PCDHGB6: variants seen among roughly 807,000 people sequenced by gnomAD.
PCDHGB6 encodes the protein protocadherin gamma subfamily B, 6, also known as protocadherin gamma-B6.
PCDHGB6 carries 51 observed loss-of-function variants against 59.1 expected under a neutral mutation model. The observed-to-expected ratio is 0.86, with a 90% CI of 0.69 to 1.09. PCDHGB6 has a LOEUF of 1.09. Ranked by LOEUF, PCDHGB6 falls within the 50% of genes least tolerant of loss-of-function variation. PCDHGB6 has a pLI of 0.00. For synonymous variants in PCDHGB6, 466 were observed against 495.1 expected, an observed-to-expected ratio of 0.94 and a Z score of 0.78; for missense variants, 1,148 against 1,205.1, an observed-to-expected ratio of 0.95 and a Z score of 0.70.
Position 141,431,359 on chromosome 5 carries a change from G to A in PCDHGB6, c.2418+20739G>A. 1 of 1,614,024 alleles carries A rather than the reference G, an allele frequency of 6.2e-7. No homozygotes were observed. The highest frequency in any genetic ancestry group is 8.5e-7 in the Non-Finnish European group (1 of 1,180,030). On this transcript the variant is annotated intron_variant, in intron 1 of 3. Transcript: ENST00000520790. This position sits in a 1 kb window ranked among gnomAD's most constrained non-coding sequence, Gnocchi z 4.8. ...CCGAATTGGTGCTGAAACGCGCCCTGGACCGCGAAGAAAAGGCTGCTCACC... is the reference window on the plus strand; with the variant it reads ...CCGAATTGGTGCTGAAACGCGCCCTAGACCGCGAAGAAAAGGCTGCTCACC...
rs1288507078 is a variant in PCDHGB6 at position 141,476,171 on chromosome 5, G to A, written c.2419-18636G>A. On this transcript the variant is annotated intron_variant, in intron 1 of 3. Transcript: ENST00000520790. This position sits in a 1 kb window ranked among gnomAD's most constrained non-coding sequence, Gnocchi z 7.6. ...GGTAAGCACCGGGAGGGTAGTGGGA[G>A]TTTTGCTTCTGCTTGGTGCCTTGAA... The A allele has an allele frequency of 1.2e-6, 2 of 1,613,442 alleles. No individual in the cohort carries two copies. The highest frequency in any genetic ancestry group is 1.7e-6 in the Non-Finnish European group (2 of 1,179,978).
intron 1 of PCDHGB6, among the ~76,000 whole-genome samples, chr5:141,453,574 G>T (rs1285296493): frequency 6.6e-6 from 1 of 152,084 alleles, no homozygotes; most frequent in Non-Finnish European, 1.5e-5. Context: ...TCATTAGTTT[G>T]TGGTTTATCC....
chr5:141,494,751 G>C (rs2099756509), intron 1 of PCDHGB6, 56 bp from the exon 2 acceptor site: 2 of 1,613,426 alleles, frequency 1.2e-6, no homozygotes, highest in African/African-American at 1.3e-5. Flanking sequence ...AGGGGCTCGG[G>C]TGACATTCTA....
intron 1 of PCDHGB6, among the ~76,000 whole-genome samples, chr5:141,449,753 C>T (rs1260240861): frequency 6.6e-6 from 1 of 151,246 alleles, no homozygotes; most frequent in East Asian, 1.9e-4. Context: ...ATTTTTATGA[C>T]ATTTGAGAGT....
intron 1 of PCDHGB6, among the ~76,000 whole-genome samples, chr5:141,474,089 CAAACAACAACAA>C (rs985204397): frequency 3.3e-5 from 5 of 152,116 alleles, no homozygotes; most frequent in Admixed American, 2.0e-4. Flanking sequence ...AACCAAAAAA[CAAACAACAACAA>C]AAACAACAAC....
chr5:141,414,378 C>T lies in PCDHGB6; in HGVS notation c.2418+3758C>T, dbSNP rs958748519. ...ATCTACCATTTAAATTAGAAAAGTC[C>T]ATTGACAGTTATTACAGATTGGTGA... On this transcript the variant is annotated intron_variant, in intron 1 of 3. Coordinates refer to ENST00000520790, the MANE Select transcript of PCDHGB6 (RefSeq NM_018926.3). 3.1e-6 allele frequency: 5 copies of T among 1,613,736 alleles called. No individual in the cohort carries two copies. In the African/African-American group the frequency reaches 5.3e-5, roughly 17 times the overall value.
rs1456176347 is a variant in PCDHGB6 at position 141,510,961 on chromosome 5, A to G, written c.2581A>G (p.Ser861Gly). 2 of 1,613,986 alleles carry G rather than the reference A, an allele frequency of 1.2e-6. No individual in the cohort carries two copies. Among genetic ancestry groups the G allele is most frequent in the Non-Finnish European group, 1.7e-6 (2 of 1,179,962 alleles). ...TGTCTCTGCAGAAGCTGCTGATGGG[A>G]GCTCCACCCTGGGAGGGGGTGCCGG... is the stretch of plus-strand genomic sequence containing the variant. Reference protein sequence around the residue: ...LASASEAADGSSTLGGGAGTM... With the variant: ...LASASEAADGGSTLGGGAGTM... Residue 861 changes from serine (S) to glycine (G), a missense_variant, in exon 4 of 4, where the codon AGC (serine) becomes GGC (glycine). Physicochemically the swap from Ser to Gly is moderately conservative, Grantham distance 56. Around this residue, in one of 5 missense-constraint regions of PCDHGB6, gnomAD observed 283 missense variants for 318.6 expected, o/e 0.89. Coordinates refer to ENST00000520790, the MANE Select transcript of PCDHGB6 (RefSeq NM_018926.3).
intron 1 of PCDHGB6, chr5:141,414,562 A>G (rs770740530): frequency 3.1e-6 from 5 of 1,613,924 alleles, no homozygotes; most frequent in Non-Finnish European, 4.2e-6. Context: ...CTCCTACTTT[A>G]CCTATATCCC....
intron 1 of PCDHGB6, among the ~76,000 whole-genome samples, chr5:141,448,952 C>A (rs1278778374): frequency 2.6e-5 from 4 of 151,698 alleles, no homozygotes; most frequent in Non-Finnish European, 5.9e-5. Flanking sequence ...CTCAAAAAAA[C>A]AAACAAACAA....
intron 1 of PCDHGB6, among the ~76,000 whole-genome samples, chr5:141,456,124 C>G (rs2098844023): frequency 6.6e-6 from 1 of 152,072 alleles, no homozygotes. Context: ...GTCTCCATCT[C>G]CTGACCTCCT....
In PCDHGB6 at chr5:141,413,371, CGCGGAGT is replaced by C. The variant is rs765391000; in HGVS notation, c.2418+2752_2418+2758del. The C allele has an allele frequency of 3.7e-6, 6 of 1,613,848 alleles. No homozygotes were observed. In the African/African-American group the frequency reaches 8.0e-5, roughly 22 times the overall value. On this transcript the variant is annotated intron_variant, in intron 1 of 3. Coordinates refer to ENST00000520790, the MANE Select transcript of PCDHGB6 (RefSeq NM_018926.3). ...TCTGGCGCCCCGGGAGCTGGCGGAG[CGCGGAGT>C]CCGCATAGTCTCCAGAGGTAGGACG...
At position 141,509,907 on chromosome 5, in the gene PCDHGB6, C is replaced by G. The variant is rs149338646; in HGVS notation, c.2567-1040C>G. Among the ~76,000 whole-genome samples, 567 of 152,300 alleles carry G rather than the reference C, an allele frequency of 3.7e-3. 5 individuals carry two copies. Among genetic ancestry groups the G allele is most frequent in the Admixed American group, 0.011 (163 of 15,296 alleles). ...GTGACTGACTGTCCCTTCCAGCATGCGCTTAGGTACACTTGGGCCTGAATG... is the reference window on the plus strand; with the variant it reads ...GTGACTGACTGTCCCTTCCAGCATGGGCTTAGGTACACTTGGGCCTGAATG... On this transcript the variant is annotated intron_variant, in intron 3 of 3. Coordinates refer to ENST00000520790, the MANE Select transcript of PCDHGB6 (RefSeq NM_018926.3).
chr5:141,485,982 A>G lies in PCDHGB6; in HGVS notation c.2419-8825A>G. 6.2e-7 allele frequency: 1 copy of G among 1,614,156 alleles called. No homozygotes were observed. The highest frequency in any genetic ancestry group is 8.5e-7 in the Non-Finnish European group (1 of 1,180,020). ...ATCCAGCTCAATGCCTCAGACCCGG[A>G]CCTGGGTCCCAGTGGTAACGTCACC... On this transcript the variant is annotated intron_variant, in intron 1 of 3. Coordinates refer to ENST00000520790, the MANE Select transcript of PCDHGB6 (RefSeq NM_018926.3). The surrounding 1 kb of genome is among the most constrained non-coding windows in gnomAD (Gnocchi z 5.7).
At chr5:141,443,872 A>G (rs1446612063) in intron 1 of PCDHGB6, among the ~76,000 whole-genome samples, 1 of 152,212 alleles carries the variant, frequency 6.6e-6, no homozygotes, top group South Asian at 2.1e-4. Context: ...AAAATTACTG[A>G]TAAGTCAAGA....
chr5:141,507,012 G>A (rs2099857902), intron 3 of PCDHGB6: 1 of 152,208 alleles, frequency 6.6e-6, no homozygotes, highest in Admixed American at 6.5e-5. Flanking sequence ...AGAGAACCGA[G>A]AAGGCACTTG....
intron 1 of PCDHGB6, chr5:141,421,851 T>G: frequency 6.2e-7 from 1 of 1,613,714 alleles, no homozygotes; most frequent in East Asian, 2.2e-5. Context: ...AAGAGGCTGC[T>G]CACCTGCTCC....
rs77976889 is a variant in PCDHGB6, at chr5:141,493,704, G to C, written c.2419-1103G>C. On this transcript the variant is annotated intron_variant, in intron 1 of 3. Transcript: ENST00000520790. This position sits in a 1 kb window ranked among gnomAD's most constrained non-coding sequence, Gnocchi z 4.3. ...GTGCTGGTGACTCCCGATACACCTG[G>C]AATGCTAGGTTTCTGGGTTCTGCTC... Among the ~76,000 whole-genome samples the C allele has an allele frequency of 1.7e-3, 258 of 152,278 alleles. 2 individuals are homozygous for C. The highest frequency in any genetic ancestry group is 5.7e-3 in the African/African-American group (237 of 41,540).
chr5:141,422,836 G>A, intron 1 of PCDHGB6: 1 of 1,614,250 alleles, frequency 6.2e-7, no homozygotes, highest in Middle Eastern at 1.6e-4. Flanking sequence ...GATAGCACGT[G>A]ACAGCGGGGA....
intron 1 of PCDHGB6, chr5:141,411,907 G>A (rs2095522781): frequency 1.3e-5 from 2 of 152,156 alleles, no homozygotes; most frequent in Non-Finnish European, 2.9e-5. Flanking sequence ...TATTGCCTTT[G>A]CACTCAGTCT....
Sources: allele counts gnomAD v4.1 joint callset (sites outside exome capture counted in the v4.1 genomes callset), GRCh38; gene constraint gnomAD v4.1.1; regional missense constraint gnomAD v4.1.1; non-coding constraint Gnocchi (gnomAD v3.1); transcripts MANE v1.5; gene names NCBI Gene and HGNC (gene_info 2026-07-23, HGNC 2026-07-21).